The following DDX4 variants were observed in gnomAD, a reference collection of about 807,000 sequenced individuals.
The protein encoded by DDX4 is DEAD-box helicase 4, also known as probable ATP-dependent RNA helicase DDX4.
DDX4 carries 25 observed loss-of-function variants against 100.0 expected under a neutral mutation model. The ratio of observed to expected loss-of-function variants is 0.25; its 90% CI spans 0.18 to 0.35. DDX4 has a LOEUF of 0.35. Ranked by LOEUF, DDX4 falls within the 10% of genes least tolerant of loss-of-function variation. The probability of loss-of-function intolerance (pLI) is 1.00; values close to 1 mark genes in which losing one functional copy is unlikely to be tolerated. For synonymous variants in DDX4, 259 were observed against 275.7 expected (o/e 0.94, Z 0.60); for missense variants, 635 against 882.4 (o/e 0.72, Z 3.55).
chr5:55,769,307 G>A lies in DDX4; in HGVS notation c.394+1367G>A, dbSNP rs548701343. On this transcript the variant is annotated intron_variant, in intron 7 of 21. Coordinates refer to ENST00000505374, the MANE Select transcript of DDX4 (RefSeq NM_024415.3). ...TGATTTTTGTATGCGGTCTAAGGAA[G>A]GGGTCCAGTTTCAATCTTCTGCATA... Among the ~76,000 whole-genome samples, 167 of 152,192 alleles carry A rather than the reference G, an allele frequency of 1.1e-3. 1 individual carries two copies. Among genetic ancestry groups the A allele is most frequent in the African/African-American group, 3.5e-3 (147 of 41,528 alleles).
At chr5:55,745,107 T>C (rs967797339) in intron 2 of DDX4, among the ~76,000 whole-genome samples, 1 of 152,190 alleles carries the variant, frequency 6.6e-6, no homozygotes, top group African/African-American at 2.4e-5. Context: ...CTTGAACTGC[T>C]GACCTCAGGT....
At chr5:55,815,289 A>T (rs372702574) in intron 20 of DDX4, 24 bp from the exon 21 acceptor site, 1 of 1,603,466 alleles carries the variant, frequency 6.2e-7, no homozygotes, top group African/African-American at 1.3e-5. Context: ...TTTATGTTGC[A>T]TATGAAGTCA....
chr5:55,782,082 A>G, intron 10 of DDX4, 101 bp downstream of exon 10: 1 of 1,364,936 alleles, frequency 7.3e-7, no homozygotes, highest in Non-Finnish European at 1.0e-6. Context: ...TTAATTTTTG[A>G]AGTTAAAGGT....
intron 8 of DDX4, 112 bp downstream of exon 8, chr5:55,780,177 C>T: frequency 1.4e-6 from 2 of 1,472,848 alleles, no homozygotes; most frequent in Non-Finnish European, 9.1e-7. Context: ...AATAGCTTAG[C>T]TCAGTGACTA....
chr5:55,814,199 G>A (rs146292934), intron 19 of DDX4, among the ~76,000 whole-genome samples: 3 of 152,250 alleles, frequency 2.0e-5, no homozygotes, highest in African/African-American at 4.8e-5. Context: ...AAAATATCAC[G>A]TAGTATATAG....
chr5:55,781,219 T>C, intron 9 of DDX4, 73 bp downstream of exon 9: 1 of 1,237,358 alleles, frequency 8.1e-7, no homozygotes, highest in Non-Finnish European at 1.1e-6. Flanking sequence ...GTAAACCTAA[T>C]ATATATGTTA....
At chr5:55,781,285 A>G (rs1250716373) in intron 9 of DDX4, 139 bp downstream of exon 9, 1 of 582,342 alleles carries the variant, frequency 1.7e-6, no homozygotes, top group Non-Finnish European at 2.8e-6. Flanking sequence ...AGGTAAAAAT[A>G]TGTGGACAAT....
At chr5:55,749,194 G>C (rs925580311) in intron 3 of DDX4, among the ~76,000 whole-genome samples, 3 of 152,190 alleles carry the variant, frequency 2.0e-5, no homozygotes, top group Non-Finnish European at 4.4e-5. Context: ...GCTGAGGTGG[G>C]AGAATTGCCT....
At chr5:55,785,909 A>G (rs1478703957) in intron 13 of DDX4, 38 bp downstream of exon 13, 2 of 1,480,064 alleles carry the variant, frequency 1.4e-6, no homozygotes, top group Admixed American at 1.7e-5. Flanking sequence ...GCTATGTAGC[A>G]CACTTTGCCT....
intron 18 of DDX4, among the ~76,000 whole-genome samples, chr5:55,798,784 A>G (rs901746224): frequency 6.6e-6 from 1 of 152,200 alleles, no homozygotes; most frequent in African/African-American, 2.4e-5. Flanking sequence ...GTTTGAAAAT[A>G]GGAAGGATTT....
chr5:55,805,300 T>C (rs961299141), intron 18 of DDX4, among the ~76,000 whole-genome samples: 4 of 152,114 alleles, frequency 2.6e-5, no homozygotes, highest in Non-Finnish European at 4.4e-5. Flanking sequence ...CTTTTCCTAA[T>C]TGAATACCCT....
intron 11 of DDX4, 27 bp from the exon 12 acceptor site, chr5:55,785,420 T>C: frequency 6.3e-7 from 1 of 1,597,352 alleles, no homozygotes; most frequent in South Asian, 1.1e-5. Context: ...AAAACATGTA[T>C]CTCTTTTTTA....
chr5:55,805,807 C>A (rs1031467591), intron 18 of DDX4, among the ~76,000 whole-genome samples: 2 of 152,088 alleles, frequency 1.3e-5, no homozygotes, highest in East Asian at 1.9e-4. Context: ...TATCTCTGCC[C>A]GGCTTTGGTA....
At chr5:55,763,541 A>G (rs1252304586) in intron 5 of DDX4, among the ~76,000 whole-genome samples, 2 of 152,162 alleles carry the variant, frequency 1.3e-5, no homozygotes, top group African/African-American at 2.4e-5. Flanking sequence ...TTTGAAAGCA[A>G]AACTTGACGA....
chr5:55,740,478 A>G (rs1376189013), intron 2 of DDX4, among the ~76,000 whole-genome samples: 2 of 149,862 alleles, frequency 1.3e-5, no homozygotes, highest in East Asian at 2.0e-4. Context: ...AACATGTTTT[A>G]TATAGTTTTG....
At position 55,765,413 on chromosome 5, in the gene DDX4, A is replaced by AATATAT. The variant is rs397997793; in HGVS notation, c.334+1368_334+1373dup. ...GTTCCCCTAAAAAAAAAAAAAAAAA[A>AATATAT]ATATATATATATATATATATATATG... On this transcript the variant is annotated intron_variant, in intron 6 of 21. Transcript: ENST00000505374. Among the ~76,000 whole-genome samples, 234 of 82,994 alleles carry AATATAT rather than the reference A, an allele frequency of 2.8e-3. 4 individuals are homozygous for AATATAT. The highest frequency in any genetic ancestry group is 5.6e-3 in the Admixed American group (33 of 5,892). The allele number at this position is 82,994 out of a possible 152,430, so 54.4% of individuals were successfully genotyped here.
chr5:55,801,251 T>G (rs796208481), intron 18 of DDX4, among the ~76,000 whole-genome samples: 3 of 151,750 alleles, frequency 2.0e-5, no homozygotes, highest in South Asian at 4.2e-4. Context: ...AAAAAACATT[T>G]TTTTAAAGCT....
intron 18 of DDX4, among the ~76,000 whole-genome samples, chr5:55,803,745 G>A (rs1026983049): frequency 3.3e-5 from 5 of 151,792 alleles, no homozygotes; most frequent in Admixed American, 3.3e-4. Context: ...ATTTGGGTTG[G>A]TTCCAAGTCT....
chr5:55,781,890 C>T, intron 9 of DDX4, 44 bp from the exon 10 acceptor site: 2 of 1,603,506 alleles, frequency 1.2e-6, no homozygotes, highest in Non-Finnish European at 1.7e-6. Context: ...GCTTGAGCAG[C>T]AGCTGTGTTT....
Sources: gnomAD v4.1 joint callset for allele counts (sites outside exome capture counted in the v4.1 genomes callset) on GRCh38, gnomAD v4.1.1 for gene constraint, MANE v1.5 for transcripts, NCBI Gene and HGNC (gene_info 2026-07-23, HGNC 2026-07-21) for gene names.